Variants in RSPO4 observed in about 807,000 individuals in gnomAD.
The protein encoded by RSPO4 is R-spondin 4.
A neutral mutation model predicts 24.8 loss-of-function variants in RSPO4; 23 were observed. That is an observed-to-expected ratio of 0.93 (90% CI 0.67 to 1.31). The LOEUF (loss-of-function observed/expected upper bound fraction) is 1.31, where lower values mean the gene tolerates loss of function less well. RSPO4 is among the 40% of genes most tolerant of loss of function. The pLI, the probability that RSPO4 is intolerant of heterozygous loss-of-function variation, is 0.00. For missense variants in RSPO4, 333 were observed against 316.5 expected, an observed-to-expected ratio of 1.05 and a Z score of -0.39; for synonymous variants, 141 against 127.4, an observed-to-expected ratio of 1.11 and a Z score of -0.72.
At chr20:989,564 C>A (rs1288974655) in intron 1 of RSPO4, among the ~76,000 whole-genome samples, 1 of 152,030 alleles carries the variant, frequency 6.6e-6, no homozygotes, top group East Asian at 1.9e-4. Context: ...GGAAAGAGAC[C>A]CAGTGCATGG....
In RSPO4 at chr20:1,002,067, G is replaced by A; in HGVS notation, c.79+19C>T. Reference sequence around the variant, plus strand: ...CCCGCAGCGCCTGCCCGGCCGCCCTGCCCAGCCACCCCTTGTACCTTGCTT... The same window carrying A: ...CCCGCAGCGCCTGCCCGGCCGCCCTACCCAGCCACCCCTTGTACCTTGCTT... On this transcript the variant is annotated intron_variant, in intron 1 of 4. Transcript: ENST00000217260. This position sits in a 1 kb window ranked among gnomAD's most constrained non-coding sequence, Gnocchi z 4.6. The A allele has an allele frequency of 6.5e-7, 1 of 1,546,230 alleles. No individual in the cohort carries two copies. The highest frequency in any genetic ancestry group is 1.4e-5 in the African/African-American group (1 of 72,930).
Position 974,510 on chromosome 20 carries a change from T to A in RSPO4, c.80-6372A>T, listed in dbSNP as rs1984503078. Among the ~76,000 whole-genome samples the A allele has an allele frequency of 2.0e-5, 3 of 152,322 alleles. 1 individual carries two copies. In the South Asian group the frequency reaches 6.2e-4, roughly 32 times the overall value. ...TCCTCTGCACTCTCTGGCATTGAGG[T>A]TCGTGTGCTGCCATATCCACCCAGA... is the stretch of plus-strand genomic sequence containing the variant. On this transcript the variant is annotated intron_variant, in intron 1 of 4. Transcript: ENST00000217260.
At chr20:977,560 T>C (rs1984604344) in intron 1 of RSPO4, among the ~76,000 whole-genome samples, 1 of 152,234 alleles carries the variant, frequency 6.6e-6, no homozygotes, top group Admixed American at 6.5e-5. Flanking sequence ...TTGGCATTTG[T>C]GATCCTGGAA....
intron 1 of RSPO4, among the ~76,000 whole-genome samples, chr20:987,149 T>C (rs1033729657): frequency 1.3e-5 from 2 of 152,192 alleles, no homozygotes; most frequent in African/African-American, 4.8e-5. Context: ...GACCTCTGGA[T>C]GGGCACCTTT....
intron 3 of RSPO4, among the ~76,000 whole-genome samples, chr20:964,781 T>C (rs1297662733): frequency 1.5e-5 from 2 of 136,294 alleles, no homozygotes; most frequent in African/African-American, 6.2e-5. Flanking sequence ...CACACACATA[T>C]ATATATACAC....
chr20:994,690 G>A (rs1269490172), intron 1 of RSPO4, among the ~76,000 whole-genome samples: 1 of 152,122 alleles, frequency 6.6e-6, no homozygotes, highest in Non-Finnish European at 1.5e-5. Flanking sequence ...CTGAGTAGTT[G>A]GTAGTTGGGA....
At chr20:980,892 C>CT (rs1172541844) in intron 1 of RSPO4, among the ~76,000 whole-genome samples, 3 of 152,196 alleles carry the variant, frequency 2.0e-5, no homozygotes, top group Non-Finnish European at 4.4e-5. Context: ...AAAAACTGTC[C>CT]TGTGAGATCA....
intron 1 of RSPO4, among the ~76,000 whole-genome samples, chr20:991,646 C>T (rs142884873): frequency 2.2e-3 from 328 of 149,792 alleles, no homozygotes; most frequent in African/African-American, 4.2e-3. Flanking sequence ...CATTCAAAAA[C>T]GAAATTAAGT....
chr20:1,000,445 C>T (rs767113731), intron 1 of RSPO4, among the ~76,000 whole-genome samples: 1 of 152,190 alleles, frequency 6.6e-6, no homozygotes, highest in Non-Finnish European at 1.5e-5. Flanking sequence ...CTTACGAGCA[C>T]CCATTAGGAG....
intron 1 of RSPO4, 43 bp from the exon 2 acceptor site, chr20:968,181 G>C (rs1389696954): frequency 6.3e-7 from 1 of 1,583,908 alleles, no homozygotes; most frequent in Admixed American, 1.7e-5. Flanking sequence ...AAGGGAGAGA[G>C]AGATGGTCAA....
chr20:991,605 T>C (rs967653826), intron 1 of RSPO4, among the ~76,000 whole-genome samples: 1 of 151,902 alleles, frequency 6.6e-6, no homozygotes, highest in Admixed American at 6.6e-5. Flanking sequence ...AAGAATTACA[T>C]GATTAAAACA....
intron 1 of RSPO4, among the ~76,000 whole-genome samples, chr20:968,738 TCCTGAACAATACTCAGCA>T (rs1167181607): frequency 6.6e-6 from 1 of 152,206 alleles, no homozygotes; most frequent in Non-Finnish European, 1.5e-5. Context: ...CCTGCTGGGT[TCCTGAACAATACTCAGCA>T]ATACTCCATT....
chr20:989,741 C>T (rs990130379), intron 1 of RSPO4, among the ~76,000 whole-genome samples: 10 of 152,190 alleles, frequency 6.6e-5, no homozygotes, highest in Admixed American at 2.0e-4. Context: ...TTTCCTCATC[C>T]GCGAAGTGGA....
intron 1 of RSPO4, among the ~76,000 whole-genome samples, chr20:1,000,831 C>T (rs1303548984): frequency 6.6e-6 from 1 of 152,206 alleles, no homozygotes; most frequent in Admixed American, 6.5e-5. Context: ...CCCACTGTCA[C>T]AGCAAGAACT....
At chr20:1,001,208 GGCT>G (rs1382293751) in intron 1 of RSPO4, among the ~76,000 whole-genome samples, 7 of 152,166 alleles carry the variant, frequency 4.6e-5, no homozygotes, top group South Asian at 2.1e-4. Context: ...GCTGGCATTC[GGCT>G]GCTGATCTTA....
rs1044296416 is a variant in RSPO4, at chr20:978,619, C to A, written c.80-10481G>T. Among the ~76,000 whole-genome samples the A allele has an allele frequency of 2.6e-5, 4 of 152,086 alleles. No individual in the cohort carries two copies. In the South Asian group the frequency reaches 6.2e-4, roughly 24 times the overall value. ...CCTATTTGGGAGGACCAGGCCCATA[C>A]GAATGTGGAGAAAGCTGATGACCTC... On this transcript the variant is annotated intron_variant, in intron 1 of 4. Transcript: ENST00000217260.
At chr20:972,547 G>A (rs1374205296) in intron 1 of RSPO4, among the ~76,000 whole-genome samples, 1 of 152,228 alleles carries the variant, frequency 6.6e-6, no homozygotes, top group Non-Finnish European at 1.5e-5. Flanking sequence ...CTGCAGGAGT[G>A]CAGGCTTAAG....
chr20:996,597 C>T (rs1404734441), intron 1 of RSPO4, among the ~76,000 whole-genome samples: 1 of 152,154 alleles, frequency 6.6e-6, no homozygotes, highest in Non-Finnish European at 1.5e-5. Flanking sequence ...CGATCTGTTG[C>T]CTATTCCAGT....
At position 970,433 on chromosome 20, in the gene RSPO4, G is replaced by C. The variant is rs1453363526; in HGVS notation, c.80-2295C>G. ...AGGCTTACTGATCCAGGGTCGTACG[G>C]AAGCACACAGTAACTAAAGTGTACC... On this transcript the variant is annotated intron_variant, in intron 1 of 4. Transcript: ENST00000217260. This position sits in a 1 kb window ranked among gnomAD's most constrained non-coding sequence, Gnocchi z 4.1. Among the ~76,000 whole-genome samples, 3 of 152,064 alleles carry C rather than the reference G, an allele frequency of 2.0e-5. No individual in the cohort carries two copies. Among genetic ancestry groups the C allele is most frequent in the Non-Finnish European group, 2.9e-5 (2 of 68,018 alleles).
Sources: gnomAD v4.1 joint callset for allele counts (sites outside exome capture counted in the v4.1 genomes callset) on GRCh38, gnomAD v4.1.1 for gene constraint, Gnocchi (gnomAD v3.1) non-coding constraint, MANE v1.5 for transcripts, NCBI Gene and HGNC (gene_info 2026-07-23, HGNC 2026-07-21) for gene names.